Variants in UST observed in about 807,000 individuals in gnomAD.
UST encodes the protein uronyl 2-sulfotransferase, also known as chondroitin sulfate 2-O-sulfotransferase.
Under a neutral mutation model 45.6 loss-of-function variants are expected in UST, and 21 were observed. The observed-to-expected ratio is 0.46, with a 90% CI of 0.33 to 0.66. The LOEUF (loss-of-function observed/expected upper bound fraction) is 0.66. UST is among the 30% of genes least tolerant of loss of function. The pLI is 0.02. For missense variants in UST, 463 were observed against 512.4 expected (o/e 0.90, Z 0.93); for synonymous variants, 215 against 200.6 (o/e 1.07, Z -0.61).
intron 7 of UST, among the ~76,000 whole-genome samples, chr6:149,062,779 G>T (rs1188864006): frequency 6.6e-6 from 1 of 152,226 alleles, no homozygotes; most frequent in Non-Finnish European, 1.5e-5. Context: ...GTACAGCCTT[G>T]AGCTGGTCTT....
chr6:148,866,078 T>C (rs541469122), intron 1 of UST, among the ~76,000 whole-genome samples: 17 of 152,120 alleles, frequency 1.1e-4, no homozygotes, highest in African/African-American at 4.1e-4. Flanking sequence ...AAAGAAAGAA[T>C]TAATTAGACT....
At chr6:148,918,779 T>C in intron 2 of UST, among the ~76,000 whole-genome samples, 1 of 152,206 alleles carries the variant, frequency 6.6e-6, no homozygotes, top group East Asian at 1.9e-4. Flanking sequence ...CCTAGGCACA[T>C]CCTTTTTTCT....
chr6:148,871,171 CT>C (rs1778552272), intron 1 of UST, among the ~76,000 whole-genome samples: 8 of 106,100 alleles, frequency 7.5e-5, no homozygotes, highest in South Asian at 3.2e-4. Context: ...TCTCTCTGTC[CT>C]TCTCTCTCTC....
chr6:148,901,555 C>CTT lies in UST; in HGVS notation c.291+14544_291+14545dup, dbSNP rs11438263. On this transcript the variant is annotated intron_variant, in intron 2 of 7. Transcript: ENST00000367463. Reference sequence around the variant, plus strand: ...TTCAGCCCAGAAGTGACCCGTGTCACTTTTTTTTTTTTTTTTTTTGAGACA... The same window carrying CTT: ...TTCAGCCCAGAAGTGACCCGTGTCACTTTTTTTTTTTTTTTTTTTTTGAGACA... 5.3e-3 allele frequency among the ~76,000 whole-genome samples: 695 copies of CTT among 130,300 alleles called. 9 individuals carry two copies. The highest frequency in any genetic ancestry group is 0.017 in the African/African-American group (605 of 35,646). 85.5% of individuals were successfully genotyped at this position (130,300 alleles called of 152,430 possible).
At chr6:148,880,758 G>A (rs1778808187) in intron 1 of UST, among the ~76,000 whole-genome samples, 1 of 152,130 alleles carries the variant, frequency 6.6e-6, no homozygotes, top group South Asian at 2.1e-4. Context: ...GGCAGGGTGT[G>A]GTGGCTCACA....
intron 5 of UST, among the ~76,000 whole-genome samples, chr6:148,970,095 C>T (rs1433449076): frequency 6.6e-6 from 1 of 152,184 alleles, no homozygotes; most frequent in African/African-American, 2.4e-5. Flanking sequence ...TACATTTGTC[C>T]TGGGTGTATC....
In UST at chr6:148,789,453, T is replaced by TCA. The variant is rs58763326; in HGVS notation, c.247+41806_247+41807dup. 7.9e-3 allele frequency among the ~76,000 whole-genome samples: 1,063 copies of TCA among 134,288 alleles called. 13 individuals are homozygous for TCA. The highest frequency in any genetic ancestry group is 0.028 in the South Asian group (116 of 4,150). The allele number at this position is 134,288 out of a possible 152,430, so 88.1% of individuals were successfully genotyped here. A position where few individuals can be genotyped will look rare whatever the true frequency, so the allele number is the denominator to read the frequency against. ...CTCTCTCTCTCTCTCTCTCTCTCTCTCACACACACACACACACACACACAC... is the reference window on the plus strand; with the variant it reads ...CTCTCTCTCTCTCTCTCTCTCTCTCTCACACACACACACACACACACACACAC... On this transcript the variant is annotated intron_variant, in intron 1 of 7. Transcript: ENST00000367463.
At chr6:148,980,364 T>C (rs751884678) in intron 5 of UST, among the ~76,000 whole-genome samples, 19 of 152,310 alleles carry the variant, frequency 1.2e-4, no homozygotes, top group Non-Finnish European at 2.5e-4. Flanking sequence ...CTTTAACTTT[T>C]TTCAACTCTC....
chr6:148,868,593 C>A (rs960653935), intron 1 of UST, among the ~76,000 whole-genome samples: 1 of 152,222 alleles, frequency 6.6e-6, no homozygotes, highest in Non-Finnish European at 1.5e-5. Flanking sequence ...AGAAAAGAAA[C>A]CGATCTACTA....
At chr6:148,844,642 T>C (rs1326818528) in intron 1 of UST, among the ~76,000 whole-genome samples, 2 of 152,206 alleles carry the variant, frequency 1.3e-5, no homozygotes, top group African/African-American at 2.4e-5. Flanking sequence ...TTTTATTGTT[T>C]CTCTCAGTTG....
chr6:148,788,125 G>A (rs1440399298), intron 1 of UST, among the ~76,000 whole-genome samples: 2 of 152,176 alleles, frequency 1.3e-5, no homozygotes, highest in African/African-American at 2.4e-5. Context: ...CGGCAAGAGA[G>A]AGAATGAGAG....
intron 1 of UST, among the ~76,000 whole-genome samples, chr6:148,856,810 CTA>C (rs1778213828): frequency 6.6e-6 from 1 of 152,130 alleles, no homozygotes; most frequent in Admixed American, 6.6e-5. Context: ...GAATTGGGAT[CTA>C]AACTGTTACT....
At chr6:149,036,379 C>A (rs554649859) in intron 7 of UST, among the ~76,000 whole-genome samples, 1 of 152,228 alleles carries the variant, frequency 6.6e-6, no homozygotes, top group African/African-American at 2.4e-5. Context: ...CCTCCAACCG[C>A]ATTTCATCTT....
chr6:148,780,079 GTA>G (rs55958506), intron 1 of UST, among the ~76,000 whole-genome samples: 74,688 of 144,422 alleles, frequency 0.52, 18,848 homozygotes, highest in East Asian at 0.65. Flanking sequence ...ACATGTGTGT[GTA>G]TATATATACA....
intron 1 of UST, among the ~76,000 whole-genome samples, chr6:148,862,064 G>C (rs1356440642): frequency 2.0e-5 from 3 of 151,558 alleles, no homozygotes; most frequent in African/African-American, 7.3e-5. Flanking sequence ...TTAACTTTCT[G>C]TCTCATGGAT....
intron 1 of UST, among the ~76,000 whole-genome samples, chr6:148,793,434 C>A (rs1402554947): frequency 6.6e-6 from 1 of 152,148 alleles, no homozygotes; most frequent in African/African-American, 2.4e-5. Flanking sequence ...CCCAGAAACC[C>A]CCCTCCTCAC....
chr6:148,852,443 C>T (rs571376118), intron 1 of UST, among the ~76,000 whole-genome samples: 7 of 152,316 alleles, frequency 4.6e-5, no homozygotes, highest in African/African-American at 1.7e-4. Flanking sequence ...GTTCATGTTC[C>T]ATTGAGGCTC....
chr6:148,852,026 T>C (rs1778117166), intron 1 of UST, among the ~76,000 whole-genome samples: 2 of 152,198 alleles, frequency 1.3e-5, no homozygotes, highest in Admixed American at 1.3e-4. Context: ...AATCCGAGGA[T>C]GATGTCTGGG....
At chr6:148,856,484 C>A (rs1163002033) in intron 1 of UST, among the ~76,000 whole-genome samples, 2 of 152,170 alleles carry the variant, frequency 1.3e-5, no homozygotes, top group East Asian at 3.8e-4. Flanking sequence ...TCGGAGACAG[C>A]CACAGGTGAT....
Sources: gnomAD v4.1 joint callset for allele counts (sites outside exome capture counted in the v4.1 genomes callset) on GRCh38, gnomAD v4.1.1 for gene constraint, MANE v1.5 for transcripts, NCBI Gene and HGNC (gene_info 2026-07-23, HGNC 2026-07-21) for gene names.